FA2H: variants seen among roughly 807,000 people sequenced by gnomAD.
FA2H encodes the protein fatty acid alpha-hydroxylase.
Under a neutral mutation model 44.9 loss-of-function variants are expected in FA2H, and 22 were observed. That is an observed-to-expected ratio of 0.49 (90% CI 0.35 to 0.70). The LOEUF (loss-of-function observed/expected upper bound fraction) is 0.70, where lower values mean the gene tolerates loss of function less well. Among genes scored for constraint, FA2H ranks in the 30% least tolerant of loss-of-function variants. FA2H has a pLI of 0.01. For synonymous variants in FA2H, 243 were observed against 213.2 expected (o/e 1.14, Z -1.22); for missense variants, 501 against 504.9 (o/e 0.99, Z 0.07).
chr16:74,725,140 G>C (rs1039041668), intron 4 of FA2H, among the ~76,000 whole-genome samples: 3 of 152,312 alleles, frequency 2.0e-5, no homozygotes, highest in Admixed American at 2.0e-4. Flanking sequence ...CTCGGTGACC[G>C]GGAGGAGCTC....
chr16:74,760,180 G>A (rs929563320), intron 1 of FA2H, among the ~76,000 whole-genome samples: 3 of 152,094 alleles, frequency 2.0e-5, no homozygotes, highest in Admixed American at 6.6e-5. Flanking sequence ...CTACGCTGCC[G>A]CTGCAGCTGA....
intron 2 of FA2H, among the ~76,000 whole-genome samples, chr16:74,728,074 G>C (rs1394743492): frequency 6.6e-6 from 1 of 152,268 alleles, no homozygotes; most frequent in South Asian, 2.1e-4. Context: ...GCCATTTACT[G>C]TGTGATTTCT....
intron 4 of FA2H, among the ~76,000 whole-genome samples, chr16:74,722,151 C>T (rs576495831): frequency 1.3e-4 from 19 of 147,294 alleles, no homozygotes; most frequent in African/African-American, 4.7e-4. Flanking sequence ...CCTTCAGTCT[C>T]TCCTTTTCTC....
At chr16:74,750,983 A>G (rs1962516946) in intron 1 of FA2H, among the ~76,000 whole-genome samples, 1 of 151,944 alleles carries the variant, frequency 6.6e-6, no homozygotes, top group Non-Finnish European at 1.5e-5. Context: ...AGGTCATGCT[A>G]TCTTGCCCAG....
At chr16:74,761,251 G>A (rs974936121) in intron 1 of FA2H, among the ~76,000 whole-genome samples, 1 of 152,088 alleles carries the variant, frequency 6.6e-6, no homozygotes, top group Non-Finnish European at 1.5e-5. Context: ...TCAGGAGTTC[G>A]AGACCAGCCT....
chr16:74,726,418 C>G (rs1022273270), intron 3 of FA2H, 87 bp from the exon 4 acceptor site: 8 of 876,156 alleles, frequency 9.1e-6, no homozygotes, highest in Non-Finnish European at 1.3e-5. Context: ...GACGGAGTTT[C>G]ACTCTTGTTG....
intron 2 of FA2H, among the ~76,000 whole-genome samples, chr16:74,729,034 CAG>C (rs1158616457): frequency 3.1e-5 from 3 of 95,746 alleles, no homozygotes; most frequent in African/African-American, 1.2e-4. Flanking sequence ...TTTTTTGAGA[CAG>C]AGTCTTGCTC....
chr16:74,758,676 A>T (rs1962656846), intron 1 of FA2H, among the ~76,000 whole-genome samples: 1 of 152,134 alleles, frequency 6.6e-6, no homozygotes, highest in African/African-American at 2.4e-5. Context: ...CTGTAATCCC[A>T]GCACTTTGGG....
intron 4 of FA2H, among the ~76,000 whole-genome samples, chr16:74,721,613 T>G (rs886548): frequency 0.57 from 86,909 of 152,056 alleles, 25,144 homozygotes; most frequent in Middle Eastern, 0.72. Context: ...CTGGCACCTT[T>G]AACCTCTGCA....
At chr16:74,746,571 C>T (rs2144642782) in intron 1 of FA2H, among the ~76,000 whole-genome samples, 1 of 152,068 alleles carries the variant, frequency 6.6e-6, no homozygotes, top group African/African-American at 2.4e-5. Flanking sequence ...GTAAAATCTC[C>T]AGATTTTAAA....
intron 5 of FA2H, among the ~76,000 whole-genome samples, chr16:74,717,790 GC>G (rs1291381640): frequency 6.6e-6 from 1 of 152,228 alleles, no homozygotes; most frequent in Non-Finnish European, 1.5e-5. Context: ...AGCCCCTGGG[GC>G]CCCAGAATGG....
intron 1 of FA2H, among the ~76,000 whole-genome samples, chr16:74,741,824 G>A (rs1473396776): frequency 6.8e-5 from 7 of 103,028 alleles, no homozygotes; most frequent in African/African-American, 1.1e-4. Context: ...GTGTGTGTGT[G>A]TGTGTGTGTG....
chr16:74,726,410 C>T (rs567582013), intron 3 of FA2H, 79 bp from the exon 4 acceptor site: 23 of 914,418 alleles, frequency 2.5e-5, no homozygotes, highest in African/African-American at 9.8e-5. Context: ...TTTTTTGAGA[C>T]GGAGTTTCAC....
At chr16:74,768,093 T>C (rs959661903) in intron 1 of FA2H, among the ~76,000 whole-genome samples, 1 of 152,294 alleles carries the variant, frequency 6.6e-6, no homozygotes, top group Non-Finnish European at 1.5e-5. Context: ...ATGAGGAGCA[T>C]GTGTCATAAG....
At chr16:74,725,889 A>C (rs1311168704) in intron 4 of FA2H, 2 of 364,452 alleles carry the variant, frequency 5.5e-6, no homozygotes, top group Non-Finnish European at 1.1e-5. Context: ...GATTTCATTT[A>C]GTTTCTTAGC....
intron 1 of FA2H, among the ~76,000 whole-genome samples, chr16:74,763,810 T>C (rs1162879012): frequency 6.6e-6 from 1 of 152,262 alleles, no homozygotes; most frequent in African/African-American, 2.4e-5. Flanking sequence ...TGACATACTT[T>C]CATGAATGAA....
chr16:74,731,565 A>G (rs1255215287), intron 2 of FA2H, among the ~76,000 whole-genome samples: 1 of 152,000 alleles, frequency 6.6e-6, no homozygotes, highest in Non-Finnish European at 1.5e-5. Flanking sequence ...CTGTCACCCA[A>G]GTGGGAGTGC....
At position 74,770,917 on chromosome 16, in the gene FA2H, C is replaced by T. The variant is rs542216245; in HGVS notation, c.270+3569G>A. Among the ~76,000 whole-genome samples the T allele has an allele frequency of 2.0e-5, 3 of 152,360 alleles. No individual in the cohort carries two copies. The East Asian group carries it at 5.8e-4, about 29-fold the overall frequency. ...CAGATGAGCATACAGGTCAGAAGCA[C>T]ATGTGAGACTGGGTCCCTGGGTCCC... is the stretch of plus-strand genomic sequence containing the variant. On this transcript the variant is annotated intron_variant, in intron 1 of 6. Transcript: ENST00000219368.
chr16:74,753,660 G>A (rs887552559), intron 1 of FA2H, among the ~76,000 whole-genome samples: 2 of 151,946 alleles, frequency 1.3e-5, no homozygotes, highest in African/African-American at 2.4e-5. Flanking sequence ...GTGACAGAGC[G>A]AGACTCCAGC....
Sources: allele counts gnomAD v4.1 joint callset (sites outside exome capture counted in the v4.1 genomes callset), GRCh38; gene constraint gnomAD v4.1.1; transcripts MANE v1.5; gene names NCBI Gene and HGNC (gene_info 2026-07-23, HGNC 2026-07-21).